The following WDFY4 variants were observed in gnomAD, a reference collection of about 807,000 sequenced individuals.
WDFY4 encodes the protein WDFY family member 4.
A neutral mutation model predicts 351.9 loss-of-function variants in WDFY4; 169 were observed. That is an observed-to-expected ratio of 0.48 (90% confidence interval 0.42 to 0.55). WDFY4 has a LOEUF of 0.55. Ranked by LOEUF, WDFY4 falls within the 20% of genes least tolerant of loss-of-function variation. The pLI is 0.00. For synonymous variants in WDFY4, 1,622 were observed against 1,574.6 expected (o/e 1.03, Z -0.71); for missense variants, 3,803 against 3,935.6 (o/e 0.97, Z 0.90).
chr10:48,706,212 C>T (rs1017504891), intron 1 of WDFY4, among the ~76,000 whole-genome samples: 3 of 152,192 alleles, frequency 2.0e-5, no homozygotes, highest in African/African-American at 7.2e-5. Context: ...TACTTTCATT[C>T]GTTTATGCAA....
At position 48,803,504 on chromosome 10, in the gene WDFY4, T is replaced by C. The variant is rs569804540; in HGVS notation, c.4484+145T>C. ...GCACATCCTTCCCAGTGGCTCATGC[T>C]TGTGGGGCAGTCTCCTCTCATGGTC... On this transcript the variant is annotated intron_variant, in intron 25 of 61. Coordinates refer to ENST00000325239, the MANE Select transcript of WDFY4 (RefSeq NM_001394531.1). The C allele has an allele frequency of 1.1e-4, 86 of 798,490 alleles. No individual in the cohort carries two copies. The South Asian group carries it at 1.5e-3, about 14-fold the overall frequency. 49.5% of individuals were successfully genotyped at this position (798,490 alleles called of 1,614,324 possible).
chr10:48,877,831 G>A (rs963325053), intron 43 of WDFY4, among the ~76,000 whole-genome samples: 6 of 152,334 alleles, frequency 3.9e-5, no homozygotes, highest in South Asian at 2.1e-4. Flanking sequence ...CCCACTCTTC[G>A]TGTGTGTGTC....
In WDFY4 at chr10:48,778,707, G is replaced by A. The variant is rs895581784; in HGVS notation, c.3272G>A (p.Arg1091His). The A allele has an allele frequency of 4.8e-5, 75 of 1,551,528 alleles. No homozygotes were observed. Among genetic ancestry groups the A allele is most frequent in the Non-Finnish European group, 6.0e-5 (69 of 1,147,016 alleles). The change falls in exon 18 of 62, where the codon CGC (arginine) becomes CAC (histidine). Residue 1091 changes from arginine to histidine, a missense_variant. Physicochemically the swap from Arg to His is conservative, Grantham distance 29. Around this residue, in one of 3 missense-constraint regions of WDFY4, gnomAD observed 3,054 missense variants for 3,148.6 expected, o/e 0.97. Coordinates refer to ENST00000325239, the MANE Select transcript of WDFY4 (RefSeq NM_001394531.1). ...HGAATEGHPL[R>H]FLTLVRHLAR... The stretch of plus-strand genomic sequence containing the variant: ...GCTGCCACTGAGGGCCACCCGCTGC[G>A]CTTCCTGACGTTGGTGCGCCACCTG...
At chr10:48,813,258 T>C (rs1424590630) in intron 30 of WDFY4, among the ~76,000 whole-genome samples, 1 of 152,248 alleles carries the variant, frequency 6.6e-6, no homozygotes, top group Non-Finnish European at 1.5e-5. Flanking sequence ...ATCTTTATAA[T>C]TGACAAATCT....
chr10:48,691,721 G>A (rs753372260), intron 1 of WDFY4, among the ~76,000 whole-genome samples: 18 of 152,186 alleles, frequency 1.2e-4, no homozygotes, highest in Non-Finnish European at 5.9e-5. Context: ...CTCTAATATC[G>A]ACTTTTAAAA....
chr10:48,704,953 G>T (rs2063585567), intron 1 of WDFY4, among the ~76,000 whole-genome samples: 1 of 41,922 alleles, frequency 2.4e-5, no homozygotes, highest in African/African-American at 4.5e-5. Context: ...ATGCTAGAGG[G>T]GCCCTGGTGA....
chr10:48,787,052 ACAATAT>A (rs1180492486), intron 20 of WDFY4, among the ~76,000 whole-genome samples, 182 bp downstream of exon 20: 10 of 152,256 alleles, frequency 6.6e-5, no homozygotes, highest in Non-Finnish European at 1.2e-4. Context: ...AAAGGAAATG[ACAATAT>A]CTTTAGATTT....
At position 48,820,451 on chromosome 10, in the gene WDFY4, G is replaced by A. The variant is rs1255423990; in HGVS notation, c.5709+14G>A. ...GTGCTCCTGGAGGTGGGTTGGAAAA[G>A]GTGACATTGGGCCATGTGCTGTGGA... On this transcript the variant is annotated intron_variant, in intron 33 of 61. Coordinates refer to ENST00000325239, the MANE Select transcript of WDFY4 (RefSeq NM_001394531.1). 3.2e-6 allele frequency: 5 copies of A among 1,550,322 alleles called. No individual in the cohort carries two copies. Among genetic ancestry groups the A allele is most frequent in the South Asian group, 2.4e-5 (2 of 84,010 alleles).
chr10:48,820,256 G>A lies in WDFY4; in HGVS notation c.5528G>A (p.Arg1843Gln), dbSNP rs769514257. The A allele has an allele frequency of 1.1e-4, 177 of 1,551,510 alleles. No individual in the cohort carries two copies. The highest frequency in any genetic ancestry group is 1.4e-4 in the Non-Finnish European group (155 of 1,146,996). Residue 1843 changes from arginine (R) to glutamine (Q), a missense_variant, in exon 33 of 62, where the codon CGG becomes CAG. By Grantham distance (43) the Arg-to-Gln change is conservative. Transcript: ENST00000325239. Reference sequence around the variant, plus strand: ...GAGGGGGTTGGGGCTGAGTCCACCCGGAACACCAGCAGTCCTGAGGCCGCA... The same window carrying A: ...GAGGGGGTTGGGGCTGAGTCCACCCAGAACACCAGCAGTCCTGAGGCCGCA... Reference protein sequence around the residue: ...AQKGVGAESTRNTSSPEAAAE... With the variant: ...AQKGVGAESTQNTSSPEAAAE...
intron 47 of WDFY4, among the ~76,000 whole-genome samples, chr10:48,928,063 G>A (rs1393609934): frequency 6.6e-6 from 1 of 152,180 alleles, no homozygotes; most frequent in Non-Finnish European, 1.5e-5. Flanking sequence ...CACCCAATGT[G>A]TTTTAAGCGC....
At chr10:48,843,221 T>G (rs1298829865) in intron 39 of WDFY4, among the ~76,000 whole-genome samples, 2 of 152,232 alleles carry the variant, frequency 1.3e-5, no homozygotes, top group East Asian at 3.8e-4. Flanking sequence ...CTGCTAGGTA[T>G]TTGCTGATAT....
intron 32 of WDFY4, among the ~76,000 whole-genome samples, chr10:48,819,478 G>A (rs149414947): frequency 3.0e-4 from 45 of 152,262 alleles, no homozygotes; most frequent in African/African-American, 1.1e-3. Flanking sequence ...TTATGAATGA[G>A]CAAAGGGAGG....
At chr10:48,946,342 T>A (rs1213554826) in intron 50 of WDFY4, among the ~76,000 whole-genome samples, 185 bp downstream of exon 50, 1 of 152,268 alleles carries the variant, frequency 6.6e-6, no homozygotes, top group African/African-American at 2.4e-5. Context: ...GCCTCACCTC[T>A]AGAAATTTGG....
chr10:48,742,877 A>G, intron 11 of WDFY4, 91 bp from the exon 12 acceptor site: 1 of 1,216,946 alleles, frequency 8.2e-7, no homozygotes, highest in East Asian at 2.6e-5. Context: ...TTGAGGGAAG[A>G]GCTAGTGGGA....
intron 6 of WDFY4, among the ~76,000 whole-genome samples, chr10:48,727,011 G>A (rs1278644985): frequency 6.6e-6 from 1 of 152,158 alleles, no homozygotes; most frequent in Non-Finnish European, 1.5e-5. Flanking sequence ...CCACACTTCA[G>A]TGTTCCAATC....
intron 39 of WDFY4, among the ~76,000 whole-genome samples, chr10:48,866,580 A>C (rs539579737): frequency 6.6e-6 from 1 of 152,322 alleles, no homozygotes; most frequent in East Asian, 1.9e-4. Context: ...TGTCGGGCAC[A>C]CCTCAGTGAA....
intron 39 of WDFY4, among the ~76,000 whole-genome samples, chr10:48,841,663 A>G: frequency 6.6e-6 from 1 of 152,246 alleles, no homozygotes; most frequent in East Asian, 1.9e-4. Context: ...CAGAGAGCAG[A>G]CACGGAGCTT....
At chr10:48,859,645 C>T (rs1190358347) in intron 39 of WDFY4, among the ~76,000 whole-genome samples, 2 of 152,074 alleles carry the variant, frequency 1.3e-5, no homozygotes, top group Admixed American at 6.6e-5. Context: ...TGCAGCTATT[C>T]GTGAACAAAT....
chr10:48,844,138 G>C (rs1217956485), intron 39 of WDFY4, among the ~76,000 whole-genome samples: 2 of 152,204 alleles, frequency 1.3e-5, no homozygotes, highest in Non-Finnish European at 2.9e-5. Context: ...AACCATTTTG[G>C]TTAATTAAAA....
Sources: gnomAD v4.1 joint callset for allele counts (sites outside exome capture counted in the v4.1 genomes callset) on GRCh38, gnomAD v4.1.1 for gene constraint, gnomAD v4.1.1 regional missense constraint, MANE v1.5 for transcripts, NCBI Gene and HGNC (gene_info 2026-07-23, HGNC 2026-07-21) for gene names.